COLEC10: variants seen among roughly 807,000 people sequenced by gnomAD.
The protein encoded by COLEC10 is collectin subfamily member 10, also known as collectin-10.
COLEC10 carries 22 observed loss-of-function variants against 28.4 expected under a neutral mutation model. The observed-to-expected ratio is 0.78, with a 90% CI of 0.55 to 1.11. The LOEUF is 1.11. Ranked by LOEUF, COLEC10 falls within the 50% of genes least tolerant of loss-of-function variation. The probability of loss-of-function intolerance (pLI) is 0.00; values close to 1 mark genes in which losing one functional copy is unlikely to be tolerated. For synonymous variants in COLEC10, 125 were observed against 116.1 expected, an observed-to-expected ratio of 1.08 and a Z score of -0.49; for missense variants, 361 against 344.1, an observed-to-expected ratio of 1.05 and a Z score of -0.39.
chr8:119,005,553 T>A (rs1813779300), intron 1 of COLEC10, among the ~76,000 whole-genome samples: 1 of 152,138 alleles, frequency 6.6e-6, no homozygotes, highest in Admixed American at 6.6e-5. Flanking sequence ...GACCAATAGT[T>A]CAGAGATGTT....
chr8:118,998,665 C>A (rs896697998), intron 1 of COLEC10, among the ~76,000 whole-genome samples: 1 of 139,532 alleles, frequency 7.2e-6, no homozygotes, highest in African/African-American at 2.8e-5. Flanking sequence ...GGAGAAACCC[C>A]GTCTCTACTG....
chr8:119,009,160 A>C (rs756516623), intron 1 of COLEC10, among the ~76,000 whole-genome samples: 2 of 150,962 alleles, frequency 1.3e-5, no homozygotes, highest in Non-Finnish European at 2.9e-5. Context: ...CCACTGGCCC[A>C]TACCATTCTA....
chr8:118,994,582 T>C (rs73709519), upstream of COLEC10, among the ~76,000 whole-genome samples: 10,466 of 152,092 alleles, frequency 0.069, 629 homozygotes, highest in East Asian at 0.16. Context: ...CGGCCAGAGG[T>C]TATATCCCTT....
intron 1 of COLEC10, among the ~76,000 whole-genome samples, chr8:119,009,011 A>G (rs919066855): frequency 6.6e-6 from 1 of 150,702 alleles, no homozygotes; most frequent in Non-Finnish European, 1.5e-5. Context: ...ACACAAACAC[A>G]TACATTGTTC....
chr8:119,010,879 C>A (rs1281426547), intron 2 of COLEC10, among the ~76,000 whole-genome samples: 1 of 150,910 alleles, frequency 6.6e-6, no homozygotes, highest in Non-Finnish European at 1.5e-5. Context: ...TTTAAGAGTT[C>A]TTTGTATATT....
At chr8:119,096,721 T>C (rs1431437255) in intron 3 of COLEC10, among the ~76,000 whole-genome samples, 2 of 152,070 alleles carry the variant, frequency 1.3e-5, no homozygotes, top group African/African-American at 4.8e-5. Context: ...GTAAAACATA[T>C]AAAGAGATTA....
chr8:118,953,825 T>C, the COLEC10 span, among the ~76,000 whole-genome samples: 3 of 152,216 alleles, frequency 2.0e-5, no homozygotes, highest in Non-Finnish European at 4.4e-5. Context: ...AACTCCAATT[T>C]TTCCTAGCTC....
chr8:118,963,386 T>A, the COLEC10 span, among the ~76,000 whole-genome samples: 1 of 152,218 alleles, frequency 6.6e-6, no homozygotes, highest in Non-Finnish European at 1.5e-5. Context: ...TTGATTAATA[T>A]TTCTATTCTT....
the COLEC10 span, among the ~76,000 whole-genome samples, chr8:118,985,565 T>A: frequency 7.9e-5 from 12 of 151,880 alleles, no homozygotes; most frequent in Non-Finnish European, 1.8e-4. Flanking sequence ...CCACATATGT[T>A]ATAAGATATA....
intron 2 of COLEC10, 144 bp downstream of exon 2, chr8:119,089,895 G>T: frequency 4.6e-6 from 3 of 654,438 alleles, no homozygotes; most frequent in East Asian, 5.5e-5. Flanking sequence ...GAATTAACTC[G>T]CCATCTGAAT....
At chr8:119,000,879 A>G (rs1333084626) in intron 1 of COLEC10, among the ~76,000 whole-genome samples, 23 of 151,784 alleles carry the variant, frequency 1.5e-4, no homozygotes, top group Admixed American at 1.3e-3. Context: ...GAAATGTGGT[A>G]GAGAGGAAGA....
In COLEC10 at chr8:119,021,809, G is replaced by A. The variant is rs117948269; in HGVS notation, n.235+12256G>A. On this transcript the variant is annotated intron_variant and non_coding_transcript_variant, in intron 2 of 6. Coordinates refer to the COLEC10 transcript ENST00000521788. ...TTGAGCTTGGCTCTGTCATTTATCA[G>A]TGGTATGACATGGGGGAAATTAGTG... Among the ~76,000 whole-genome samples the A allele has an allele frequency of 7.3e-3, 1,115 of 152,252 alleles. 5 individuals are homozygous for A. The highest frequency in any genetic ancestry group is 0.01 in the Non-Finnish European group (704 of 68,018).
At chr8:118,991,101 T>A (rs181673804), upstream of COLEC10, among the ~76,000 whole-genome samples, 5 of 152,288 alleles carry the variant, frequency 3.3e-5, no homozygotes, top group East Asian at 9.7e-4. Context: ...TTTGACAAAT[T>A]ATTAATCATA....
At chr8:119,024,333 T>C (rs1814150422) in intron 2 of COLEC10, among the ~76,000 whole-genome samples, 1 of 152,118 alleles carries the variant, frequency 6.6e-6, no homozygotes, top group African/African-American at 2.4e-5. Flanking sequence ...AAAAACGTAC[T>C]TTAAAATTAT....
chr8:118,982,321 C>T, the COLEC10 span, among the ~76,000 whole-genome samples: 1 of 151,922 alleles, frequency 6.6e-6, no homozygotes, highest in East Asian at 1.9e-4. Context: ...GAGGACAGTG[C>T]ACAAAAAGAA....
At chr8:118,976,930 G>C in the COLEC10 span, among the ~76,000 whole-genome samples, 23 of 151,062 alleles carry the variant, frequency 1.5e-4, no homozygotes, top group African/African-American at 5.6e-4. Context: ...CCATCAAAAA[G>C]TGGGCGAAGG....
At chr8:119,020,841 T>C (rs565730429) in intron 2 of COLEC10, among the ~76,000 whole-genome samples, 11 of 152,290 alleles carry the variant, frequency 7.2e-5, no homozygotes, top group South Asian at 2.1e-4. Flanking sequence ...TAACCCCTTT[T>C]ATTATGCTAT....
the COLEC10 span, among the ~76,000 whole-genome samples, chr8:118,975,605 A>G: frequency 1.3e-5 from 2 of 152,066 alleles, no homozygotes; most frequent in Non-Finnish European, 2.9e-5. Flanking sequence ...TATAACTGGT[A>G]AGGTCTCCTG....
intron 2 of COLEC10, among the ~76,000 whole-genome samples, chr8:119,050,954 A>G (rs1013395982): frequency 1.3e-5 from 2 of 152,210 alleles, no homozygotes; most frequent in Admixed American, 6.5e-5. Flanking sequence ...AGGCTAAACT[A>G]TTAATACTCC....
Sources: allele counts gnomAD v4.1 joint callset (sites outside exome capture counted in the v4.1 genomes callset), GRCh38; gene constraint gnomAD v4.1.1; transcripts MANE v1.5; gene names NCBI Gene and HGNC (gene_info 2026-07-23, HGNC 2026-07-21).